ZFYVE26: variants seen among roughly 807,000 people sequenced by gnomAD.
The protein encoded by ZFYVE26 is zinc finger FYVE-type containing 26.
In ZFYVE26, 181 loss-of-function variants were observed where a neutral mutation model predicts 276.5. The observed-to-expected ratio is 0.65, with a 90% CI of 0.58 to 0.74. ZFYVE26 has a LOEUF of 0.74. Ranked by LOEUF, ZFYVE26 falls within the 30% of genes least tolerant of loss-of-function variation. ZFYVE26 has a pLI of 0.00. For missense variants in ZFYVE26, 2,821 were observed against 3,097.9 expected, an observed-to-expected ratio of 0.91 and a Z score of 2.12; for synonymous variants, 1,129 against 1,203.1, an observed-to-expected ratio of 0.94 and a Z score of 1.27.
chr14:67,807,309 C>T, intron 5 of ZFYVE26, 89 bp downstream of exon 5: 8 of 1,575,122 alleles, frequency 5.1e-6, no homozygotes, highest in African/African-American at 2.7e-5. Flanking sequence ...TGTCCTGAGC[C>T]ACACGGAAGG....
At chr14:67,806,300 C>A (rs1269995003) in intron 6 of ZFYVE26, among the ~76,000 whole-genome samples, 1 of 152,220 alleles carries the variant, frequency 6.6e-6, no homozygotes, top group Non-Finnish European at 1.5e-5. Flanking sequence ...CCAGAAAGCA[C>A]ATACATATAC....
rs976321163 is a variant in ZFYVE26, at chr14:67,748,593, A to G, written c.7463T>C (p.Ile2488Thr). 2 of 1,614,160 alleles carry G rather than the reference A, an allele frequency of 1.2e-6. No homozygotes were observed. Among genetic ancestry groups the G allele is most frequent in the African/African-American group, 1.3e-5 (1 of 75,066 alleles). ...CCGTGAGTGTTCTTGCTTCACAGCA[A>G]TCAAGTAGGCAGAACGCAGTTTGCA... ...ICCKLRSAYL[I>T]AVKQEHSRAT... The change falls in exon 42 of 42, where the codon ATT becomes ACT. Residue 2488 changes from isoleucine to threonine, a missense_variant. By Grantham distance (89) the Ile-to-Thr change is moderately conservative. Coordinates refer to ENST00000347230, the MANE Select transcript of ZFYVE26 (RefSeq NM_015346.4).
chr14:67,794,968 A>G (rs1279725434), intron 12 of ZFYVE26, among the ~76,000 whole-genome samples: 1 of 152,110 alleles, frequency 6.6e-6, no homozygotes, highest in East Asian at 1.9e-4. Flanking sequence ...AAATGTAGGG[A>G]ACCAAAGTCT....
rs150063715 is a variant in ZFYVE26 at position 67,790,603 on chromosome 14, A to T, written c.2724T>A (p.Thr908=). 9.3e-6 allele frequency: 15 copies of T among 1,613,862 alleles called. No individual in the cohort carries two copies. In the African/African-American group the frequency reaches 1.9e-4, roughly 20 times the overall value. The part of the protein sequence containing the change: ...TIRRTGSGRS[T]LQAIGSAAAA... ...CTGCAGCGCTGCCAATGGCCTGTAG[A>T]GTTGAGCGGCCACTGCCAGTTCTCC... Residue 908 remains threonine, a synonymous_variant, in exon 15 of 42, where the codon ACT becomes ACA. Coordinates refer to ENST00000347230, the MANE Select transcript of ZFYVE26 (RefSeq NM_015346.4).
chr14:67,751,885 A>G (rs2140180436), intron 40 of ZFYVE26, among the ~76,000 whole-genome samples: 1 of 152,148 alleles, frequency 6.6e-6, no homozygotes, highest in African/African-American at 2.4e-5. Context: ...AACAAGAAAG[A>G]AAATTTAACC....
intron 13 of ZFYVE26, among the ~76,000 whole-genome samples, chr14:67,731,591 A>C (rs1180464028): frequency 1.3e-5 from 2 of 151,970 alleles, no homozygotes; most frequent in South Asian, 2.1e-4. Flanking sequence ...ATATGTAATA[A>C]AATATACAGT....
rs2040229701 is a variant in ZFYVE26, at chr14:67,808,439, T to G, written c.364-519A>C. Among the ~76,000 whole-genome samples, 3 of 152,218 alleles carry G rather than the reference T, an allele frequency of 2.0e-5. No homozygotes were observed. In the South Asian group the frequency reaches 6.2e-4, roughly 31 times the overall value. On this transcript the variant is annotated intron_variant, in intron 4 of 41. Transcript: ENST00000347230. The stretch of plus-strand genomic sequence containing the variant: ...ACCTCCAACCCATACAACTTCAATG[T>G]ACTTAAAATTAGTACCATATGATTT...
chr14:67,782,687 C>G, intron 21 of ZFYVE26, 93 bp downstream of exon 21: 2 of 1,578,250 alleles, frequency 1.3e-6, no homozygotes, highest in Non-Finnish European at 1.7e-6. Flanking sequence ...GGGCTTCTCT[C>G]TAGAGTTACC....
chr14:67,774,957 A>G, intron 27 of ZFYVE26, 59 bp downstream of exon 27: 1 of 1,195,062 alleles, frequency 8.4e-7, no homozygotes, highest in Non-Finnish European at 1.2e-6. Context: ...ATTCTGAAGG[A>G]TAGAATAAGG....
chr14:67,800,458 T>G (rs1307823715), intron 10 of ZFYVE26, among the ~76,000 whole-genome samples: 1 of 152,170 alleles, frequency 6.6e-6, no homozygotes, highest in Non-Finnish European at 1.5e-5. Context: ...TCAAACTGTA[T>G]GTATTAAATA....
chr14:67,778,218 G>A lies in ZFYVE26; in HGVS notation c.4705C>T (p.Leu1569=), dbSNP rs1292609581. The A allele has an allele frequency of 1.2e-6, 2 of 1,614,162 alleles. No homozygotes were observed. Among genetic ancestry groups the A allele is most frequent in the Non-Finnish European group, 1.7e-6 (2 of 1,180,022 alleles). The change falls in exon 24 of 42, where the codon CTG becomes TTG. Residue 1569 remains leucine, a synonymous_variant. Transcript: ENST00000347230. ...EYELCEEWGC[L]YPIPREHLIS... The stretch of plus-strand genomic sequence containing the variant: ...AAATGTTCTCTTGGAATGGGGTACA[G>A]GCAGCCCCACTCTTCACACAGTTCA...
chr14:67,757,420 A>G (rs2038806611), intron 35 of ZFYVE26, among the ~76,000 whole-genome samples: 1 of 152,074 alleles, frequency 6.6e-6, no homozygotes. Context: ...CTTTGCCCTC[A>G]TCACACCCTC....
Position 67,805,621 on chromosome 14 carries a change from G to T in ZFYVE26, c.1018-3C>A. 6.2e-7 allele frequency: 1 copy of T among 1,613,616 alleles called. No homozygotes were observed. The highest frequency in any genetic ancestry group is 8.5e-7 in the Non-Finnish European group (1 of 1,180,016). The stretch of plus-strand genomic sequence containing the variant: ...TTCAACAATGTTAGTGCTGTTACCT[G>T]TAAGTCAAAGAAAGCTGTTATAGGC... On this transcript the variant is annotated splice_region_variant and splice_polypyrimidine_tract_variant and intron_variant, in intron 6 of 41. Coordinates refer to ENST00000347230, the MANE Select transcript of ZFYVE26 (RefSeq NM_015346.4).
In ZFYVE26 at chr14:67,798,457, T is replaced by A. The variant is rs1348807736; in HGVS notation, c.1805A>T (p.Asp602Val). The change falls in exon 11 of 42, where the codon GAT becomes GTT. Residue 602 changes from aspartate (D) to valine (V), a missense_variant. Physicochemically the swap from Asp to Val is radical, Grantham distance 152. Transcript: ENST00000347230. ...GGGGCTCTTCCCCTCAATGTCATCA[T>A]CCTCAGCATAGTCCTCAGGCAAGTG... ...EPHLPEDYAEDDDIEGKSPSG... is the reference protein window; with the variant it reads ...EPHLPEDYAEVDDIEGKSPSG... 1 of 1,614,178 alleles carries A rather than the reference T, an allele frequency of 6.2e-7. No homozygotes were observed. The highest frequency in any genetic ancestry group is 8.5e-7 in the Non-Finnish European group (1 of 1,180,034).
Position 67,798,294 on chromosome 14 carries a change from A to T in ZFYVE26, c.1968T>A (p.Ser656Arg), listed in dbSNP as rs781719443. ...AGCTGTGCCTATGAGGCCCTGGGTA[A>T]CTGTCTTTTGGCTCTGCCTTCACAT... ...PSHVKAEPKDSYPGPHRHSFL... is the reference protein window; with the variant it reads ...PSHVKAEPKDRYPGPHRHSFL... Residue 656 changes from serine (S) to arginine (R), a missense_variant, in exon 11 of 42, where the codon AGT becomes AGA. Physicochemically the swap from Ser to Arg is moderately radical, Grantham distance 110. Transcript: ENST00000347230. 19 of 1,614,144 alleles carry T rather than the reference A, an allele frequency of 1.2e-5. No homozygotes were observed. In the Middle Eastern group the frequency reaches 2.0e-3, roughly 168 times the overall value.
At position 67,748,517 on chromosome 14, in the gene ZFYVE26, A is replaced by T; in HGVS notation, c.7539T>A (p.Asp2513Glu). ...QVQQAAKSSG[D>E]AVVQDICAQW... is the part of the protein sequence containing the mutation. Reference sequence around the variant, plus strand: ...GGGCACAGATGTCTTGCACTACTGCATCCCCGCTGCTCTTGGCGGCCTGCT... The same window carrying T: ...GGGCACAGATGTCTTGCACTACTGCTTCCCCGCTGCTCTTGGCGGCCTGCT... The change falls in exon 42 of 42, where the codon GAT (aspartate) becomes GAA (glutamate). Residue 2513 changes from aspartate (D) to glutamate (E), a missense_variant. Asp to Glu is a conservative substitution (Grantham distance 45). Coordinates refer to ENST00000347230, the MANE Select transcript of ZFYVE26 (RefSeq NM_015346.4). 6.2e-7 allele frequency: 1 copy of T among 1,613,974 alleles called. No individual in the cohort carries two copies. Among genetic ancestry groups the T allele is most frequent in the Non-Finnish European group, 8.5e-7 (1 of 1,179,980 alleles).
At chr14:67,805,101 T>C (rs1265390690) in intron 8 of ZFYVE26, 116 bp downstream of exon 8, 1 of 970,684 alleles carries the variant, frequency 1.0e-6, no homozygotes, top group South Asian at 1.4e-5. Flanking sequence ...TAGTAGCTGG[T>C]CAACATTGCC....
At chr14:67,782,639 G>A (rs1566881903) in intron 21 of ZFYVE26, 141 bp downstream of exon 21, 2 of 1,408,154 alleles carry the variant, frequency 1.4e-6, no homozygotes, top group Non-Finnish European at 9.9e-7. Flanking sequence ...TAACCCCTCT[G>A]AGACCTGGTC....
In ZFYVE26 at chr14:67,746,672, T is replaced by C. The variant is rs1170281542; in HGVS notation, c.*1764A>G. ...CATCTCATATCAGTCTAGTCAGTGG[T>C]TGCCTATAATTTGATAGTTCAATGA... On this transcript the variant is annotated 3_prime_UTR_variant, in exon 42 of 42. Transcript: ENST00000347230. The C allele has an allele frequency of 2.0e-5, 3 of 152,488 alleles. No homozygotes were observed. Among genetic ancestry groups the C allele is most frequent in the East Asian group, 1.9e-4 (1 of 5,200 alleles). The allele number at this position is 152,488 out of a possible 1,614,324, so 9.4% of individuals were successfully genotyped here.
Sources: allele counts gnomAD v4.1 joint callset (sites outside exome capture counted in the v4.1 genomes callset), GRCh38; gene constraint gnomAD v4.1.1; transcripts MANE v1.5; gene names NCBI Gene and HGNC (gene_info 2026-07-23, HGNC 2026-07-21).